Variants in ZNF568 observed in about 807,000 individuals in gnomAD.
ZNF568 encodes p53 inhibitor of SCO2 activation.
A neutral mutation model predicts 18.1 loss-of-function variants in ZNF568; 11 were observed. The ratio of observed to expected loss-of-function variants is 0.61; its 90% CI spans 0.38 to 1.00. ZNF568 has a LOEUF of 1.00. ZNF568 is among the 50% of genes least tolerant of loss of function. The probability of loss-of-function intolerance (pLI) is 0.01; values close to 1 mark genes in which losing one functional copy is unlikely to be tolerated. For synonymous variants in ZNF568, 213 were observed against 246.6 expected, an observed-to-expected ratio of 0.86 and a Z score of 1.28; for missense variants, 639 against 768.2, an observed-to-expected ratio of 0.83 and a Z score of 1.99.
chr19:36,945,397 A>T (rs924881067), intron 6 of ZNF568, among the ~76,000 whole-genome samples: 1 of 152,140 alleles, frequency 6.6e-6, no homozygotes, highest in African/African-American at 2.4e-5. Flanking sequence ...GTGTGAAGAT[A>T]ATGAGGATGA....
chr19:36,941,739 C>A (rs982758368), intron 6 of ZNF568, among the ~76,000 whole-genome samples: 5 of 152,080 alleles, frequency 3.3e-5, no homozygotes, highest in Middle Eastern at 3.2e-3. Context: ...TTTCTCTTAA[C>A]CTAATGTAGC....
intron 4 of ZNF568, among the ~76,000 whole-genome samples, chr19:36,933,905 TTTTTTGTTTTGTTTTTTTG>T (rs1568384412): frequency 0.013 from 459 of 35,862 alleles, 29 homozygotes; most frequent in Middle Eastern, 0.049. Context: ...GTAGGTTTTT[TTTTTTGTTTTGTTTTTTTG>T]TTTTTTTTTT....
At chr19:36,975,821 G>A (rs34791663) in intron 7 of ZNF568, among the ~76,000 whole-genome samples, 27,797 of 149,784 alleles carry the variant, frequency 0.19, 2,608 homozygotes, top group African/African-American at 0.24. Flanking sequence ...TCAACCTCCT[G>A]AGTAGCTGGG....
At position 36,946,721 on chromosome 19, in the gene ZNF568, C is replaced by T. The variant is rs187317567; in HGVS notation, c.359-2791C>T. ...AGGCTGGAGTGCAAAGTTGCAATCT[C>T]GGCTCACCACAACCTCCGCCTCCCA... On this transcript the variant is annotated intron_variant, in intron 6 of 6. Coordinates refer to ENST00000333987, the MANE Select transcript of ZNF568 (RefSeq NM_198539.4). 2.3e-3 allele frequency among the ~76,000 whole-genome samples: 318 copies of T among 140,170 alleles called. 3 individuals are homozygous for T. The highest frequency in any genetic ancestry group is 4.2e-3 in the Middle Eastern group (1 of 240). 92.0% of individuals were successfully genotyped at this position (140,170 alleles called of 152,430 possible). A position where few individuals can be genotyped will look rare whatever the true frequency, so the allele number is the denominator to read the frequency against.
intron 6 of ZNF568, chr19:36,974,407 A>C (rs766203745): frequency 6.5e-7 from 1 of 1,535,840 alleles, no homozygotes; most frequent in Non-Finnish European, 8.7e-7. Flanking sequence ...GTTTTTCCAC[A>C]TCTTTCTTTA....
At chr19:36,994,477 G>T (rs2074452606) in intron 4 of ZNF568, among the ~76,000 whole-genome samples, 1 of 152,258 alleles carries the variant, frequency 6.6e-6, no homozygotes, top group African/African-American at 2.4e-5. Flanking sequence ...CTTCTGCCTA[G>T]CTATTCTATC....
Position 36,987,963 on chromosome 19 carries a change from G to C in ZNF568, c.10-3213G>C, listed in dbSNP as rs536256327. 3.9e-4 allele frequency among the ~76,000 whole-genome samples: 60 copies of C among 152,038 alleles called. 1 individual carries two copies. The South Asian group carries it at 0.012, about 31-fold the overall frequency. ...AAAATTCTCTTATCCAAAAATATCA[G>C]TCAAATCCCCATGACTTGCTTTTTC... On this transcript the variant is annotated intron_variant, in intron 2 of 4. Coordinates refer to the ZNF568 transcript ENST00000433993.
At position 36,950,481 on chromosome 19, in the gene ZNF568, A is replaced by G. The variant is rs781183457; in HGVS notation, c.1328A>G (p.Glu443Gly). 1 of 1,613,768 alleles carries G rather than the reference A, an allele frequency of 6.2e-7. No individual in the cohort carries two copies. The change falls in exon 7 of 7, where the codon GAG (glutamate) becomes GGG (glycine). Residue 443 changes from glutamate to glycine, a missense_variant. Glu to Gly is a moderately conservative substitution (Grantham distance 98). Transcript: ENST00000333987. ...LTVHMRNHTA[E>G]KPYECKECGK... ...GTACATATGCGAAATCATACAGCTG[A>G]GAAACCCTATGAATGTAAGGAATGT...
intron 4 of ZNF568, among the ~76,000 whole-genome samples, chr19:36,929,020 T>C (rs1426929835): frequency 2.6e-5 from 4 of 151,998 alleles, no homozygotes; most frequent in African/African-American, 9.7e-5. Flanking sequence ...ATTTGAAAAA[T>C]AAAAACATGC....
chr19:36,950,924 T>G lies in ZNF568; in HGVS notation c.1771T>G (p.Cys591Gly). Residue 591 changes from cysteine (C) to glycine (G), a missense_variant, in exon 7 of 7, where the codon TGT becomes GGT. By Grantham distance (159) the Cys-to-Gly change is radical. Coordinates refer to ENST00000333987, the MANE Select transcript of ZNF568 (RefSeq NM_198539.4). ...GGAGAAACCCTATGAATGTAATAAA[T>G]GTGGGAAAGCCTTTTCTCAGTGCTC... is the stretch of plus-strand genomic sequence containing the variant. ...TGEKPYECNK[C>G]GKAFSQCSLL... 6.2e-7 allele frequency: 1 copy of G among 1,613,766 alleles called. No homozygotes were observed. The highest frequency in any genetic ancestry group is 8.5e-7 in the Non-Finnish European group (1 of 1,179,886).
chr19:36,943,699 C>T (rs1027245060), intron 6 of ZNF568, among the ~76,000 whole-genome samples: 2 of 152,068 alleles, frequency 1.3e-5, no homozygotes, highest in South Asian at 4.2e-4. Context: ...CTCCACCTCC[C>T]GAGTACTGGG....
chr19:36,996,188 T>C (rs1600865794), intron 4 of ZNF568: 2 of 689,144 alleles, frequency 2.9e-6, no homozygotes, highest in East Asian at 3.4e-5. Context: ...TTCACTTCCC[T>C]TTTTTTTTGT....
chr19:36,943,959 G>A (rs1317377374), intron 6 of ZNF568, among the ~76,000 whole-genome samples: 1 of 152,102 alleles, frequency 6.6e-6, no homozygotes, highest in East Asian at 1.9e-4. Context: ...CATGGAAATA[G>A]CCATTTCTTT....
At chr19:36,933,916 G>GTTTTTTTTTTT (rs1243440418) in intron 4 of ZNF568, among the ~76,000 whole-genome samples, 1 of 20,722 alleles carries the variant, frequency 4.8e-5, no homozygotes, top group Admixed American at 4.9e-4. Context: ...TTTTTGTTTT[G>GTTTTTTTTTTT]TTTTTTTGTT....
chr19:36,991,326 C>A, intron 3 of ZNF568: 1 of 1,503,092 alleles, frequency 6.7e-7, no homozygotes, highest in Admixed American at 2.2e-5. Flanking sequence ...CTCCGTACAC[C>A]CCCTGCCCCG....
chr19:36,972,670 C>T (rs377367032), intron 6 of ZNF568, among the ~76,000 whole-genome samples: 1 of 152,238 alleles, frequency 6.6e-6, no homozygotes, highest in Non-Finnish European at 1.5e-5. Flanking sequence ...AGGTCCGGGC[C>T]GACTCCTAAT....
chr19:36,920,987 C>T (rs551514269), intron 2 of ZNF568, among the ~76,000 whole-genome samples: 10 of 152,056 alleles, frequency 6.6e-5, no homozygotes, highest in Admixed American at 2.6e-4. Flanking sequence ...CATACAGGTT[C>T]GTAGCCTAGG....
chr19:36,939,532 C>CTTTTTTTTTTTTTTT (rs386388962), intron 6 of ZNF568, among the ~76,000 whole-genome samples: 2 of 93,084 alleles, frequency 2.1e-5, no homozygotes, highest in African/African-American at 8.7e-5. Context: ...TATTTTCTTT[C>CTTTTTTTTTTTTTTT]TTTTTTTTTT....
intron 4 of ZNF568, among the ~76,000 whole-genome samples, chr19:36,935,420 T>C (rs2073773172): frequency 6.6e-6 from 1 of 151,790 alleles, no homozygotes; most frequent in African/African-American, 2.4e-5. Context: ...ATTAGCCGGG[T>C]GCGGTGGCAG....
Sources: allele counts gnomAD v4.1 joint callset (sites outside exome capture counted in the v4.1 genomes callset), GRCh38; gene constraint gnomAD v4.1.1; transcripts MANE v1.5; gene names NCBI Gene and HGNC (gene_info 2026-07-23, HGNC 2026-07-21).